EVI5: variants seen among roughly 807,000 people sequenced by gnomAD.
EVI5 encodes ecotropic viral integration site 5.
A neutral mutation model predicts 112.0 loss-of-function variants in EVI5; 73 were observed. That is an observed-to-expected ratio of 0.65 (90% CI 0.54 to 0.79). EVI5 has a LOEUF of 0.79. Ranked by LOEUF, EVI5 falls within the 30% of genes least tolerant of loss-of-function variation. The pLI is 0.00. For missense variants in EVI5, 900 were observed against 968.8 expected (o/e 0.93, Z 0.94); for synonymous variants, 305 against 319.9 (o/e 0.95, Z 0.50).
intron 1 of EVI5, among the ~76,000 whole-genome samples, chr1:92,790,361 A>C (rs982958956): frequency 5.9e-5 from 9 of 152,154 alleles, no homozygotes; most frequent in Admixed American, 4.6e-4. Context: ...ACATAGTTCA[A>C]GTGCTCAATA....
At chr1:92,516,861 C>A (rs11581176) in intron 19 of EVI5, among the ~76,000 whole-genome samples, 1 of 145,440 alleles carries the variant, frequency 6.9e-6, no homozygotes, top group East Asian at 2.1e-4. Context: ...AGACAATCAA[C>A]CTTTCCAACT....
chr1:92,669,858 A>G (rs1479906739), intron 10 of EVI5, among the ~76,000 whole-genome samples: 1 of 152,200 alleles, frequency 6.6e-6, no homozygotes, highest in African/African-American at 2.4e-5. Flanking sequence ...AGTGCTTCCT[A>G]AACTTTAAAG....
chr1:92,765,280 C>T (rs1252933743), intron 1 of EVI5, among the ~76,000 whole-genome samples: 1 of 140,496 alleles, frequency 7.1e-6, no homozygotes, highest in Non-Finnish European at 1.5e-5. Context: ...GTCTTGAACT[C>T]CTAGGCTCAA....
chr1:92,609,949 A>G lies in EVI5; in HGVS notation c.1828-2222T>C, dbSNP rs560482477. 3.9e-5 allele frequency among the ~76,000 whole-genome samples: 6 copies of G among 152,174 alleles called. No individual in the cohort carries two copies. In the South Asian group the frequency reaches 8.3e-4, roughly 21 times the overall value. ...GCCCAGGCTAGAGTGCAGAGGCACA[A>G]TCATAGCTTACTTGTAGCCTCAATC... is the stretch of plus-strand genomic sequence containing the variant. On this transcript the variant is annotated intron_variant, in intron 16 of 19. Transcript: ENST00000684568.
chr1:92,620,646 A>C (rs1654339462), intron 16 of EVI5, among the ~76,000 whole-genome samples: 1 of 152,278 alleles, frequency 6.6e-6, no homozygotes, highest in African/African-American at 2.4e-5. Flanking sequence ...AAAACTGTCA[A>C]GGCAGAATTC....
chr1:92,704,439 C>T (rs112451391), intron 3 of EVI5, 116 bp downstream of exon 3: 13 of 551,030 alleles, frequency 2.4e-5, no homozygotes, highest in African/African-American at 1.3e-4. Flanking sequence ...ATAAAGCAGA[C>T]CTCTTTAATA....
intron 19 of EVI5, among the ~76,000 whole-genome samples, chr1:92,539,297 C>T (rs1232272840): frequency 6.6e-6 from 1 of 152,140 alleles, no homozygotes; most frequent in Non-Finnish European, 1.5e-5. Context: ...AATCCCAACA[C>T]TTTGGGAGGC....
intron 1 of EVI5, among the ~76,000 whole-genome samples, chr1:92,752,885 G>T (rs1680405229): frequency 6.6e-6 from 1 of 152,062 alleles, no homozygotes; most frequent in Admixed American, 6.5e-5. Flanking sequence ...CTTTCTAAAA[G>T]AACACTTTAT....
rs1650554402 is a variant in EVI5, at chr1:92,606,924, C to CCCA, written c.1974+656_1974+657insTGG. The stretch of plus-strand genomic sequence containing the variant: ...CACACACACACACACACACACACAC[C>CCCA]CCCCCAAACCCTCCCTCCTCTCCTT... On this transcript the variant is annotated intron_variant, in intron 17 of 19. Transcript: ENST00000684568. Among the ~76,000 whole-genome samples the CCCA allele has an allele frequency of 7.7e-5, 7 of 91,402 alleles. 1 individual carries two copies. Among genetic ancestry groups the CCCA allele is most frequent in the African/African-American group, 2.5e-4 (7 of 27,952 alleles). 60.0% of individuals were successfully genotyped at this position (91,402 alleles called of 152,430 possible).
At chr1:92,652,403 T>G (rs1662289939) in intron 13 of EVI5, among the ~76,000 whole-genome samples, 1 of 152,176 alleles carries the variant, frequency 6.6e-6, no homozygotes, top group Non-Finnish European at 1.5e-5. Context: ...ATGAAAAGGT[T>G]CTATAAATGA....
chr1:92,760,678 G>A (rs1558218209), intron 1 of EVI5, among the ~76,000 whole-genome samples: 2 of 149,948 alleles, frequency 1.3e-5, no homozygotes, highest in African/African-American at 2.5e-5. Context: ...AGGTTGCAGT[G>A]ACGCAAGATC....
chr1:92,703,304 T>A, intron 4 of EVI5, 91 bp downstream of exon 4: 1 of 743,910 alleles, frequency 1.3e-6, no homozygotes. Context: ...CTGATTATTG[T>A]GGTGGGAGGT....
chr1:92,708,831 T>C (rs1204215666), intron 2 of EVI5, among the ~76,000 whole-genome samples: 1 of 152,046 alleles, frequency 6.6e-6, no homozygotes, highest in Non-Finnish European at 1.5e-5. Flanking sequence ...CTTGAAAACA[T>C]GATGTTAAGT....
intron 18 of EVI5, among the ~76,000 whole-genome samples, chr1:92,595,670 T>A (rs1283321603): frequency 3.3e-5 from 5 of 152,184 alleles, no homozygotes; most frequent in African/African-American, 9.7e-5. Flanking sequence ...TCTTAACTGG[T>A]ATACTGGGCC....
Position 92,607,704 on chromosome 1 carries a change from A to C in EVI5, c.1851T>G (p.Leu617=). ...ETQNQINSNH[L]RRAEQEVISL... ...TAATCACCTCTTGTTCTGCTCTTCGAAGATGGTTACTATTGATCTGGTTCT... is the reference window on the plus strand; with the variant it reads ...TAATCACCTCTTGTTCTGCTCTTCGCAGATGGTTACTATTGATCTGGTTCT... Residue 617 remains leucine, a synonymous_variant, in exon 17 of 20, where the codon CTT becomes CTG. Coordinates refer to ENST00000684568, the MANE Select transcript of EVI5 (RefSeq NM_001350197.2). The C allele has an allele frequency of 6.2e-7, 1 of 1,603,366 alleles. No individual in the cohort carries two copies. Among genetic ancestry groups the C allele is most frequent in the Non-Finnish European group, 8.5e-7 (1 of 1,175,318 alleles).
At chr1:92,616,444 A>G (rs901696371) in intron 16 of EVI5, among the ~76,000 whole-genome samples, 79 of 152,182 alleles carry the variant, frequency 5.2e-4, no homozygotes, top group African/African-American at 1.8e-3. Context: ...TACTGTCATG[A>G]ACAGCAGCGG....
At chr1:92,742,318 C>T (rs1436668949) in intron 1 of EVI5, among the ~76,000 whole-genome samples, 1 of 152,036 alleles carries the variant, frequency 6.6e-6, no homozygotes, top group Non-Finnish European at 1.5e-5. Context: ...CTTCAGCCTC[C>T]TGAGTAGCTG....
intron 1 of EVI5, among the ~76,000 whole-genome samples, chr1:92,750,711 G>A (rs1386630243): frequency 6.6e-5 from 10 of 151,128 alleles, no homozygotes; most frequent in African/African-American, 2.4e-4. Flanking sequence ...ATGAGGTTAT[G>A]ACCAGAAAAA....
intron 1 of EVI5, among the ~76,000 whole-genome samples, chr1:92,758,757 G>C (rs1449745365): frequency 6.6e-6 from 1 of 151,774 alleles, no homozygotes; most frequent in Admixed American, 6.6e-5. Context: ...ACTAAATTTG[G>C]GGTCAGAGAG....
Sources: allele counts gnomAD v4.1 joint callset (sites outside exome capture counted in the v4.1 genomes callset), GRCh38; gene constraint gnomAD v4.1.1; transcripts MANE v1.5; gene names NCBI Gene and HGNC (gene_info 2026-07-23, HGNC 2026-07-21).